The following DLG5 variants were observed in gnomAD, a reference collection of about 807,000 sequenced individuals.
DLG5 encodes discs large MAGUK scaffold protein 5.
A neutral mutation model predicts 189.8 loss-of-function variants in DLG5; 48 were observed. The observed-to-expected ratio is 0.25, with a 90% CI of 0.20 to 0.32. DLG5 has a LOEUF of 0.32. DLG5 is among the 10% of genes least tolerant of loss of function. The pLI, the probability that DLG5 is intolerant of heterozygous loss-of-function variation, is 1.00. For synonymous variants in DLG5, 1,016 were observed against 1,054.1 expected, an observed-to-expected ratio of 0.96 and a Z score of 0.70; for missense variants, 2,160 against 2,544.7, an observed-to-expected ratio of 0.85 and a Z score of 3.25.
At chr10:77,841,768 G>T in intron 7 of DLG5, 113 bp downstream of exon 7, 1 of 1,253,130 alleles carries the variant, frequency 8.0e-7, no homozygotes, top group Non-Finnish European at 1.1e-6. Flanking sequence ...CCAGTGAGAA[G>T]CCATTTACTC....
At chr10:77,924,468 T>G (rs956458429) in intron 1 of DLG5, among the ~76,000 whole-genome samples, 1 of 152,224 alleles carries the variant, frequency 6.6e-6, no homozygotes, top group Non-Finnish European at 1.5e-5. Context: ...CGAGCGTTGA[T>G]TCACATGCTT....
At chr10:77,814,006 T>C (rs1022119945) in intron 20 of DLG5, among the ~76,000 whole-genome samples, 2 of 152,126 alleles carry the variant, frequency 1.3e-5, no homozygotes, top group Non-Finnish European at 1.5e-5. Context: ...GGAGGCAGAT[T>C]CTTGCTCTGT....
chr10:77,845,991 T>A (rs1411248991), intron 5 of DLG5, among the ~76,000 whole-genome samples: 2 of 136,688 alleles, frequency 1.5e-5, no homozygotes, highest in African/African-American at 2.7e-5. Context: ...ATGCCTGTAA[T>A]CCCAGCACTT....
At chr10:77,806,717 GACCCC>G in intron 26 of DLG5, 36 bp downstream of exon 26, 3 of 1,371,168 alleles carry the variant, frequency 2.2e-6, no homozygotes, top group Non-Finnish European at 3.1e-6. Context: ...GGCCCTCGGC[GACCCC>G]TGCCCCACCC....
intron 1 of DLG5, among the ~76,000 whole-genome samples, chr10:77,916,277 C>G (rs1052509726): frequency 6.6e-6 from 1 of 151,766 alleles, no homozygotes; most frequent in Non-Finnish European, 1.5e-5. Context: ...CAAACCATAT[C>G]TGAAGGAAGA....
Position 77,817,810 on chromosome 10 carries a change from C to CA in DLG5, c.3750dup (p.Gly1251TrpfsTer16). The stretch of plus-strand genomic sequence containing the variant: ...GCGCTGGAGGGCAGTGAGTTGGACC[C>CA]ATGGGTGGCTCTCATCTCGGAGTAG... On this transcript the variant is annotated frameshift_variant, in exon 18 of 32. Coordinates refer to ENST00000372391, the MANE Select transcript of DLG5 (RefSeq NM_004747.4). LOFTEE classifies it high-confidence loss of function. 6.4e-7 allele frequency: 1 copy of CA among 1,555,712 alleles called. No homozygotes were observed. Among genetic ancestry groups the CA allele is most frequent in the Non-Finnish European group, 8.7e-7 (1 of 1,148,996 alleles).
At chr10:77,850,130 T>C (rs962756909) in intron 5 of DLG5, among the ~76,000 whole-genome samples, 1 of 152,222 alleles carries the variant, frequency 6.6e-6, no homozygotes, top group Non-Finnish European at 1.5e-5. Flanking sequence ...TCCACAAAGT[T>C]GTGCAGCCAC....
chr10:77,832,512 C>T (rs1444051372), intron 9 of DLG5, among the ~76,000 whole-genome samples: 1 of 152,242 alleles, frequency 6.6e-6, no homozygotes, highest in African/African-American at 2.4e-5. Flanking sequence ...CCTTCCAACA[C>T]TGCCCCAGCC....
chr10:77,840,846 CGAGGA>C (rs1467494625), intron 7 of DLG5, among the ~76,000 whole-genome samples: 34 of 152,178 alleles, frequency 2.2e-4, no homozygotes, highest in African/African-American at 8.0e-4. Context: ...CCAGGCCTGA[CGAGGA>C]GTTGCTGTCG....
At chr10:77,825,374 C>CCACACACACACACACACACA (rs59102694) in intron 13 of DLG5, among the ~76,000 whole-genome samples, 3,366 of 130,798 alleles carry the variant, frequency 0.026, 111 homozygotes, top group Non-Finnish European at 0.033. Flanking sequence ...CCACACACAA[C>CCACACACACACACACACACA]CACACACACA....
chr10:77,926,038 G>T lies in DLG5; in HGVS notation c.304+179C>A, dbSNP rs34954112. Among the ~76,000 whole-genome samples, 2 of 152,084 alleles carry T rather than the reference G, an allele frequency of 1.3e-5. No individual in the cohort carries two copies. Among genetic ancestry groups the T allele is most frequent in the Middle Eastern group, 3.4e-3 (1 of 294 alleles). ...ATTGTTCACAGCGAACGGCGGGACT[G>T]GGGGAGGCGGCGGGACTTCGGGATC... On this transcript the variant is annotated intron_variant, in intron 1 of 31. Transcript: ENST00000372391. The surrounding 1 kb of genome is among the most constrained non-coding windows in gnomAD (Gnocchi z 5.2).
chr10:77,816,764 C>T, intron 19 of DLG5, 63 bp from the exon 20 acceptor site: 3 of 1,560,554 alleles, frequency 1.9e-6, no homozygotes, highest in Non-Finnish European at 2.6e-6. Flanking sequence ...CAGCCAAGAC[C>T]AAGAGGCAGG....
chr10:77,901,884 C>G (rs958166017), intron 1 of DLG5, among the ~76,000 whole-genome samples: 2 of 152,218 alleles, frequency 1.3e-5, no homozygotes, highest in Non-Finnish European at 2.9e-5. Context: ...CTGGCCCAGC[C>G]AGAAAGCCAA....
rs1022162836 is a variant in DLG5, at chr10:77,926,143, A to T, written c.304+74T>A. ...GCCAGGTGGAGCGGCGGCCCCGGCGAGGTACCCTCGGCCAGCAGGAGGGAG... is the reference window on the plus strand; with the variant it reads ...GCCAGGTGGAGCGGCGGCCCCGGCGTGGTACCCTCGGCCAGCAGGAGGGAG... On this transcript the variant is annotated intron_variant, in intron 1 of 31. Transcript: ENST00000372391. The surrounding 1 kb of genome is among the most constrained non-coding windows in gnomAD (Gnocchi z 5.2). 1 of 1,277,694 alleles carries T rather than the reference A, an allele frequency of 7.8e-7. No individual in the cohort carries two copies. The highest frequency in any genetic ancestry group is 1.0e-6 in the Non-Finnish European group (1 of 1,001,004). 79.1% of individuals were successfully genotyped at this position (1,277,694 alleles called of 1,614,324 possible).
chr10:77,844,911 G>A (rs1453221917), intron 5 of DLG5, among the ~76,000 whole-genome samples: 3 of 152,038 alleles, frequency 2.0e-5, no homozygotes, highest in Non-Finnish European at 4.4e-5. Context: ...GCCTGCAGGC[G>A]TGTTCTAGAG....
chr10:77,830,789 C>T lies in DLG5; in HGVS notation c.1833G>A (p.Thr611=), dbSNP rs574256147. The part of the protein sequence containing the change: ...AHSSHDSAID[T]DSMEWETEVV... Reference sequence around the variant, plus strand: ...CTTCCGTTTCCCACTCCATGGAATCCGTGTCAATGGCCGAGTCGTGGGAGC... The same window carrying T: ...CTTCCGTTTCCCACTCCATGGAATCTGTGTCAATGGCCGAGTCGTGGGAGC... The change falls in exon 10 of 32, where the codon ACG becomes ACA. Residue 611 remains threonine (T), a synonymous_variant. Coordinates refer to ENST00000372391, the MANE Select transcript of DLG5 (RefSeq NM_004747.4). The T allele has an allele frequency of 9.1e-5, 147 of 1,614,186 alleles. 1 individual carries two copies. In the South Asian group the frequency reaches 1.5e-3, roughly 17 times the overall value.
intron 1 of DLG5, among the ~76,000 whole-genome samples, chr10:77,914,735 G>A (rs868101145): frequency 1.8e-4 from 27 of 152,108 alleles, no homozygotes; most frequent in Middle Eastern, 3.4e-3. Context: ...AACCTCCCAG[G>A]GGCTCAGCAA....
At position 77,830,734 on chromosome 10, in the gene DLG5, A is replaced by G; in HGVS notation, c.1881+7T>C. 6.2e-7 allele frequency: 1 copy of G among 1,613,848 alleles called. No homozygotes were observed. The highest frequency in any genetic ancestry group is 8.5e-7 in the Non-Finnish European group (1 of 1,179,788). ...GAAGGAGAGAAGAACCATCAGAGGC[A>G]GCTTACCGTCTCCCTCTCGAACTCT... is the stretch of plus-strand genomic sequence containing the variant. On this transcript the variant is annotated splice_region_variant and intron_variant, in intron 10 of 31. Transcript: ENST00000372391.
intron 11 of DLG5, 90 bp from the exon 12 acceptor site, chr10:77,829,620 A>C: frequency 1.4e-6 from 2 of 1,444,302 alleles, no homozygotes; most frequent in Non-Finnish European, 1.9e-6. Context: ...GCTGACTGCC[A>C]AGGAGTGGGT....
Sources: gnomAD v4.1 joint callset for allele counts (sites outside exome capture counted in the v4.1 genomes callset) on GRCh38, gnomAD v4.1.1 for gene constraint, Gnocchi (gnomAD v3.1) non-coding constraint, MANE v1.5 for transcripts, NCBI Gene and HGNC (gene_info 2026-07-23, HGNC 2026-07-21) for gene names.